Variants in LMO3 observed in about 807,000 individuals in gnomAD.
LMO3 encodes the protein LIM domain only protein 3.
In LMO3, 2 loss-of-function variants were observed where a neutral mutation model predicts 15.8. That is an observed-to-expected ratio of 0.13 (90% confidence interval 0.05 to 0.40). LMO3 has a LOEUF of 0.40. Among genes scored for constraint, LMO3 ranks in the 10% least tolerant of loss-of-function variants. The pLI is 0.99. For missense variants in LMO3, 86 were observed against 182.2 expected (o/e 0.47, Z 3.04); for synonymous variants, 62 against 63.8 (o/e 0.97, Z 0.13).
intron 1 of LMO3, among the ~76,000 whole-genome samples, chr12:16,602,667 G>A (rs1351208448): frequency 1.3e-5 from 2 of 151,920 alleles, no homozygotes; most frequent in Non-Finnish European, 2.9e-5. Flanking sequence ...ACCCTTGATA[G>A]CTCTGCTAAA....
At position 16,589,493 on chromosome 12, in the gene LMO3, AT is replaced by A. The variant is rs1317655724; in HGVS notation, c.206+11161del. ...GGAAGGAAAAATTTAAGAAAAATTA[AT>A]TTAAAATCTCCTGAAAAATTATGTC... is the stretch of plus-strand genomic sequence containing the variant. On this transcript the variant is annotated intron_variant, in intron 2 of 3. Coordinates refer to ENST00000537304, the MANE Select transcript of LMO3 (RefSeq NM_018640.5). The surrounding 1 kb of genome is among the most constrained non-coding windows in gnomAD (Gnocchi z 4.2). 6.6e-6 allele frequency: 1 copy of A among 152,130 alleles called. No individual in the cohort carries two copies. Among genetic ancestry groups the A allele is most frequent in the African/African-American group, 2.4e-5 (1 of 41,436 alleles). The allele number at this position is 152,130 out of a possible 1,614,324, so 9.4% of individuals were successfully genotyped here.
chr12:16,605,852 A>C (rs978452731), intron 1 of LMO3: 49 of 1,529,630 alleles, frequency 3.2e-5, no homozygotes, highest in Middle Eastern at 1.7e-4. Context: ...TCATAAAAAT[A>C]ATGAAGCCTC....
chr12:16,592,876 C>T (rs140755232), intron 2 of LMO3, among the ~76,000 whole-genome samples: 19 of 151,866 alleles, frequency 1.3e-4, no homozygotes, highest in Non-Finnish European at 2.4e-4. Flanking sequence ...ATTTCAAAAA[C>T]AGGTAAATAA....
intron 2 of LMO3, among the ~76,000 whole-genome samples, chr12:16,572,399 G>A (rs1433164134): frequency 4.7e-5 from 5 of 107,154 alleles, no homozygotes; most frequent in Non-Finnish European, 6.9e-5. Flanking sequence ...TTTAATTAAC[G>A]ATTTTAGAAT....
intron 2 of LMO3, among the ~76,000 whole-genome samples, chr12:16,575,362 T>A (rs1942962313): frequency 6.6e-6 from 1 of 152,228 alleles, no homozygotes; most frequent in African/African-American, 2.4e-5. Context: ...TCCTCTCTGA[T>A]AATGATACCT....
rs150029188 is a variant in LMO3 at position 16,571,777 on chromosome 12, G to A, written c.207-11239C>T. On this transcript the variant is annotated intron_variant, in intron 2 of 3. Transcript: ENST00000537304. The stretch of plus-strand genomic sequence containing the variant: ...TCTGTGATTCTTCATTCTAATCAAA[G>A]TGTAACTGGATCATTCAGCTAACAC... 1.6e-4 allele frequency among the ~76,000 whole-genome samples: 24 copies of A among 152,098 alleles called. No individual in the cohort carries two copies. In the East Asian group the frequency reaches 4.4e-3, roughly 28 times the overall value.
At chr12:16,607,672 A>C (rs764341054), upstream of LMO3, 8 of 151,940 alleles carry the variant, frequency 5.3e-5, no homozygotes, top group Admixed American at 1.3e-4. Flanking sequence ...GAAATGTTTA[A>C]GAGCCAAGAA....
In LMO3 at chr12:16,555,176, T is replaced by C. The variant is rs1942149148; in HGVS notation, c.333-3849A>G. On this transcript the variant is annotated intron_variant, in intron 3 of 3. Coordinates refer to ENST00000537304, the MANE Select transcript of LMO3 (RefSeq NM_018640.5). The surrounding 1 kb of genome is among the most constrained non-coding windows in gnomAD (Gnocchi z 5.5). ...TTATCAGAATTTGCTATCATTATTA[T>C]TTGGTAATGATAATCTTTTCACCTT... 6.6e-6 allele frequency among the ~76,000 whole-genome samples: 1 copy of C among 152,208 alleles called. No individual in the cohort carries two copies. The highest frequency in any genetic ancestry group is 2.4e-5 in the African/African-American group (1 of 41,462).
intron 3 of LMO3, among the ~76,000 whole-genome samples, chr12:16,556,479 A>G (rs914995150): frequency 2.6e-5 from 4 of 152,210 alleles, no homozygotes; most frequent in Non-Finnish European, 5.9e-5. Flanking sequence ...AAACATTCAG[A>G]AATGCTTTGG....
intron 2 of LMO3, chr12:16,600,291 C>CAAAAAAAA (rs35993210): frequency 0.019 from 1,287 of 69,292 alleles, no homozygotes; most frequent in Non-Finnish European, 0.025. Flanking sequence ...CCTTAAGCTC[C>CAAAAAAAA]AAAAAAAAAA....
intron 2 of LMO3, among the ~76,000 whole-genome samples, chr12:16,583,891 G>A (rs567252098): frequency 6.6e-6 from 1 of 152,278 alleles, no homozygotes; most frequent in South Asian, 2.1e-4. Flanking sequence ...GACCAAATTA[G>A]GAGAAAGAGA....
chr12:16,583,128 A>C (rs1228082381), intron 2 of LMO3, among the ~76,000 whole-genome samples: 4 of 152,060 alleles, frequency 2.6e-5, no homozygotes, highest in Admixed American at 6.6e-5. Context: ...ATAAATGATC[A>C]ACACTATTAA....
intron 2 of LMO3, among the ~76,000 whole-genome samples, chr12:16,577,694 AGAG>A (rs1391555541): frequency 6.6e-6 from 1 of 152,178 alleles, no homozygotes; most frequent in East Asian, 1.9e-4. Flanking sequence ...GCACACATCT[AGAG>A]GAGAATTTTT....
At position 16,584,937 on chromosome 12, in the gene LMO3, T is replaced by C. The variant is rs1943270593; in HGVS notation, c.206+15718A>G. Among the ~76,000 whole-genome samples, 1 of 152,220 alleles carries C rather than the reference T, an allele frequency of 6.6e-6. No homozygotes were observed. Among genetic ancestry groups the C allele is most frequent in the South Asian group, 2.1e-4 (1 of 4,834 alleles). On this transcript the variant is annotated intron_variant, in intron 2 of 3. Transcript: ENST00000537304. The surrounding 1 kb of genome is among the most constrained non-coding windows in gnomAD (Gnocchi z 5.2). Reference sequence around the variant, plus strand: ...ACATTAAAGGGCCTGATCAGTTATCTGAAACCAGAATTTTATGATTCTGAC... The same window carrying C: ...ACATTAAAGGGCCTGATCAGTTATCCGAAACCAGAATTTTATGATTCTGAC...
At chr12:16,606,417 T>C (rs1478356612), upstream of LMO3, 1 of 152,252 alleles carries the variant, frequency 6.6e-6, no homozygotes, top group Non-Finnish European at 1.5e-5. Context: ...CAGCCAGACA[T>C]AATACAGCCA....
At position 16,586,073 on chromosome 12, in the gene LMO3, C is replaced by G. The variant is rs1243457639; in HGVS notation, c.206+14582G>C. Reference sequence around the variant, plus strand: ...AGGAAAACAGCAAAACCTTGATGTACAATTCCATAAAAATTTTTGAGGGGC... The same window carrying G: ...AGGAAAACAGCAAAACCTTGATGTAGAATTCCATAAAAATTTTTGAGGGGC... On this transcript the variant is annotated intron_variant, in intron 2 of 3. Transcript: ENST00000537304. This position sits in a 1 kb window ranked among gnomAD's most constrained non-coding sequence, Gnocchi z 4.3. Among the ~76,000 whole-genome samples the G allele has an allele frequency of 1.3e-5, 2 of 152,060 alleles. No individual in the cohort carries two copies. The highest frequency in any genetic ancestry group is 6.6e-5 in the Admixed American group (1 of 15,260).
intron 2 of LMO3, among the ~76,000 whole-genome samples, chr12:16,588,963 C>T (rs1012177988): frequency 1.3e-5 from 2 of 152,034 alleles, no homozygotes; most frequent in Non-Finnish European, 2.9e-5. Flanking sequence ...CACTGTCACC[C>T]CTAACTATTT....
chr12:16,595,998 A>G (rs926833521), intron 2 of LMO3, among the ~76,000 whole-genome samples: 1 of 151,536 alleles, frequency 6.6e-6, no homozygotes, highest in African/African-American at 2.4e-5. Context: ...TCTGTGCTAT[A>G]AATTGCCAGA....
intron 2 of LMO3, among the ~76,000 whole-genome samples, chr12:16,563,595 C>G (rs1055700036): frequency 6.6e-6 from 1 of 152,022 alleles, no homozygotes; most frequent in African/African-American, 2.4e-5. Context: ...TAACCTCTTC[C>G]TCTGCACTCT....
Sources: allele counts gnomAD v4.1 joint callset (sites outside exome capture counted in the v4.1 genomes callset), GRCh38; gene constraint gnomAD v4.1.1; non-coding constraint Gnocchi (gnomAD v3.1); transcripts MANE v1.5; gene names NCBI Gene and HGNC (gene_info 2026-07-23, HGNC 2026-07-21).